NT5DC1: variants seen among roughly 807,000 people sequenced by gnomAD.
NT5DC1 encodes the protein 5'-nucleotidase domain-containing protein 1.
NT5DC1 carries 42 observed loss-of-function variants against 59.4 expected under a neutral mutation model. That is an observed-to-expected ratio of 0.71 (90% CI 0.55 to 0.92). The LOEUF is 0.92. Among genes scored for constraint, NT5DC1 ranks in the 40% least tolerant of loss-of-function variants. NT5DC1 has a pLI of 0.00. For missense variants in NT5DC1, 501 were observed against 537.1 expected (o/e 0.93, Z 0.66); for synonymous variants, 172 against 188.1 (o/e 0.91, Z 0.70).
In NT5DC1 at chr6:116,103,399, C is replaced by T. The variant is rs11968241; in HGVS notation, c.93+2376C>T. On this transcript the variant is annotated intron_variant, in intron 1 of 11. Coordinates refer to ENST00000319550, the MANE Select transcript of NT5DC1 (RefSeq NM_152729.3). ...AACGGGGCACAGAAGGAAAGTGTAT[C>T]CAGGGCAACTAAGCGAGGTAGTCCG... 4.3e-3 allele frequency among the ~76,000 whole-genome samples: 648 copies of T among 152,054 alleles called. 6 individuals are homozygous for T. Among genetic ancestry groups the T allele is most frequent in the African/African-American group, 0.015 (629 of 41,466 alleles).
At chr6:116,102,827 T>C (rs554213204) in intron 1 of NT5DC1, among the ~76,000 whole-genome samples, 2 of 152,330 alleles carry the variant, frequency 1.3e-5, no homozygotes, top group East Asian at 3.9e-4. Context: ...TAGGCAAAAA[T>C]GCTGAAGAGT....
intron 6 of NT5DC1, among the ~76,000 whole-genome samples, chr6:116,216,283 A>G (rs928258350): frequency 4.6e-5 from 7 of 152,130 alleles, no homozygotes; most frequent in African/African-American, 1.7e-4. Flanking sequence ...GAAGCAGGCA[A>G]AATACACAGA....
chr6:116,242,457 G>A (rs576896060), intron 11 of NT5DC1, among the ~76,000 whole-genome samples: 2 of 148,270 alleles, frequency 1.3e-5, no homozygotes, highest in African/African-American at 5.0e-5. Context: ...AAAGACGGAC[G>A]AAATAATACC....
chr6:116,189,436 T>G (rs1781072993), intron 6 of NT5DC1, among the ~76,000 whole-genome samples: 1 of 151,940 alleles, frequency 6.6e-6, no homozygotes, highest in African/African-American at 2.4e-5. Context: ...TAGCTTGGGA[T>G]ACTTATTCTT....
chr6:116,108,295 A>G (rs1334734827), intron 2 of NT5DC1, 69 bp from the exon 3 acceptor site: 1 of 957,246 alleles, frequency 1.0e-6, no homozygotes, highest in Non-Finnish European at 1.7e-6. Flanking sequence ...TGTTTGGAAA[A>G]TATAGGTTGT....
In NT5DC1 at chr6:116,115,736, T is replaced by C. The variant is rs1184500284; in HGVS notation, c.410T>C (p.Leu137Pro). 3 of 1,604,764 alleles carry C rather than the reference T, an allele frequency of 1.9e-6. No homozygotes were observed. Among genetic ancestry groups the C allele is most frequent in the Admixed American group, 1.7e-5 (1 of 59,978 alleles). The stretch of plus-strand genomic sequence containing the variant: ...AACTACTTTGACCTGCCAGGAGCTC[T>C]TCTGTGTGCCAGGGTGGTGGACTAT... ...YDNYFDLPGA[L>P]LCARVVDYLT... Residue 137 changes from leucine (L) to proline (P), a missense_variant, in exon 5 of 12, where the codon CTT becomes CCT. Transcript: ENST00000319550.
intron 6 of NT5DC1, among the ~76,000 whole-genome samples, chr6:116,153,131 A>G (rs1780091272): frequency 6.6e-6 from 1 of 151,950 alleles, no homozygotes; most frequent in Non-Finnish European, 1.5e-5. Context: ...AAATATATGT[A>G]TATACATACA....
At position 116,247,102 on chromosome 6, in the gene NT5DC1, TCA is replaced by T. The variant is rs1207629353; in HGVS notation, c.*3082_*3083del. 1 of 152,132 alleles carries T rather than the reference TCA, an allele frequency of 6.6e-6. No homozygotes were observed. Among genetic ancestry groups the T allele is most frequent in the Non-Finnish European group, 1.5e-5 (1 of 67,988 alleles). The allele number at this position is 152,132 out of a possible 1,614,324, so 9.4% of individuals were successfully genotyped here. On this transcript the variant is annotated 3_prime_UTR_variant, in exon 12 of 12. Coordinates refer to ENST00000319550, the MANE Select transcript of NT5DC1 (RefSeq NM_152729.3). ...ATGAACCCAAGTTTGATCCTCAAAA[TCA>T]CACTTTTAATTACTTGATACATAAT...
intron 6 of NT5DC1, among the ~76,000 whole-genome samples, chr6:116,202,318 CAGAACAAAGTT>C (rs1781366698): frequency 1.3e-5 from 2 of 152,026 alleles, no homozygotes; most frequent in East Asian, 3.9e-4. Flanking sequence ...AGATCAGTAG[CAGAACAAAGTT>C]CCTTCTCAAT....
chr6:116,157,911 T>C (rs1165077357), intron 6 of NT5DC1, among the ~76,000 whole-genome samples: 2 of 152,170 alleles, frequency 1.3e-5, no homozygotes, highest in Non-Finnish European at 1.5e-5. Context: ...AGTACAGAAA[T>C]AAAATGTCTC....
In NT5DC1 at chr6:116,136,200, G is replaced by GTGTC. The variant is rs555684218; in HGVS notation, c.529+18258_529+18261dup. Among the ~76,000 whole-genome samples, 78 of 152,126 alleles carry GTGTC rather than the reference G, an allele frequency of 5.1e-4. 1 individual carries two copies. The highest frequency in any genetic ancestry group is 6.8e-3 in the Middle Eastern group (2 of 294). ...GAGATCATGCAGTATTTGTCCTTCT[G>GTGTC]TGTCTGGTGTATTTCACTTAGCATA... On this transcript the variant is annotated intron_variant, in intron 6 of 11. Coordinates refer to ENST00000319550, the MANE Select transcript of NT5DC1 (RefSeq NM_152729.3).
In NT5DC1 at chr6:116,153,068, A is replaced by G. The variant is rs566065096; in HGVS notation, c.529+35123A>G. 8.5e-5 allele frequency among the ~76,000 whole-genome samples: 13 copies of G among 152,118 alleles called. No individual in the cohort carries two copies. The East Asian group carries it at 2.3e-3, about 27-fold the overall frequency. ...AAATCTTAATCACTTGAGGTAGGCT[A>G]ATATATAACATTTAATAAAATCCCT... On this transcript the variant is annotated intron_variant, in intron 6 of 11. Coordinates refer to ENST00000319550, the MANE Select transcript of NT5DC1 (RefSeq NM_152729.3).
chr6:116,121,163 C>A, intron 6 of NT5DC1: 4 of 1,613,086 alleles, frequency 2.5e-6, no homozygotes, highest in Non-Finnish European at 2.5e-6. Flanking sequence ...GGCACCTGGA[C>A]CCCCAGGAAG....
chr6:116,228,504 G>A (rs1272406356), intron 8 of NT5DC1, among the ~76,000 whole-genome samples: 2 of 71,046 alleles, frequency 2.8e-5, no homozygotes, highest in Non-Finnish European at 4.6e-5. Flanking sequence ...GTGAAACTCC[G>A]ACTCAAAAAA....
At chr6:116,241,929 AAAAAAAAAACAAAAC>A (rs200210607) in intron 11 of NT5DC1, among the ~76,000 whole-genome samples, 481 of 32,642 alleles carry the variant, frequency 0.015, 42 homozygotes, top group East Asian at 0.094. Context: ...TCTCAAAAAA[AAAAAAAAAACAAAAC>A]AAAAAAAAAA....
chr6:116,160,575 T>C (rs1268025384), intron 6 of NT5DC1, among the ~76,000 whole-genome samples: 1 of 152,246 alleles, frequency 6.6e-6, no homozygotes, highest in African/African-American at 2.4e-5. Flanking sequence ...GTATATTGTC[T>C]ATTTGCTGTG....
At chr6:116,108,972 C>T (rs571174645) in intron 3 of NT5DC1, among the ~76,000 whole-genome samples, 1 of 152,290 alleles carries the variant, frequency 6.6e-6, no homozygotes, top group East Asian at 1.9e-4. Flanking sequence ...CTCCCACACT[C>T]CAGGCTGACT....
intron 1 of NT5DC1, among the ~76,000 whole-genome samples, chr6:116,104,490 A>G (rs1388762118): frequency 2.0e-5 from 3 of 152,242 alleles, no homozygotes; most frequent in African/African-American, 7.2e-5. Flanking sequence ...GGGGCTTGTG[A>G]AAGCCAATTG....
At chr6:116,241,430 G>A (rs1771712520) in intron 11 of NT5DC1, among the ~76,000 whole-genome samples, 1 of 151,978 alleles carries the variant, frequency 6.6e-6, no homozygotes, top group African/African-American at 2.4e-5. Context: ...GCCAGAGTGG[G>A]GCAGCAAAAA....
Sources: allele counts gnomAD v4.1 joint callset (sites outside exome capture counted in the v4.1 genomes callset), GRCh38; gene constraint gnomAD v4.1.1; transcripts MANE v1.5; gene names NCBI Gene and HGNC (gene_info 2026-07-23, HGNC 2026-07-21).